NFIB: variants seen among roughly 807,000 people sequenced by gnomAD.
NFIB encodes the protein nuclear factor I B.
A neutral mutation model predicts 61.5 loss-of-function variants in NFIB; 11 were observed. The observed-to-expected ratio is 0.18, with a 90% CI of 0.11 to 0.30. NFIB has a LOEUF of 0.30. NFIB is among the 10% of genes least tolerant of loss of function. The pLI is 1.00. For missense variants in NFIB, 471 were observed against 608.9 expected, an observed-to-expected ratio of 0.77 and a Z score of 2.38; for synonymous variants, 260 against 216.5, an observed-to-expected ratio of 1.20 and a Z score of -1.76.
chr9:14,458,619 C>T, the NFIB span, among the ~76,000 whole-genome samples: 1 of 152,152 alleles, frequency 6.6e-6, no homozygotes, highest in Non-Finnish European at 1.5e-5. Context: ...TAGAAGACCC[C>T]ATCGTCTCAG....
chr9:14,265,493 A>G (rs958977813), intron 2 of NFIB, among the ~76,000 whole-genome samples: 2 of 152,184 alleles, frequency 1.3e-5, no homozygotes, highest in Non-Finnish European at 2.9e-5. Context: ...TGCCATCTAT[A>G]AGCCAAGAGA....
chr9:14,139,654 C>T lies in NFIB; in HGVS notation c.925+7035G>A, dbSNP rs1396885895. ...ATGAGCACGACTTTTCCATATTAAT[C>T]AGTACCAGCCCTTCTAACATGTATA... On this transcript the variant is annotated intron_variant, in intron 6 of 10. Transcript: ENST00000380953. 3.3e-5 allele frequency among the ~76,000 whole-genome samples: 5 copies of T among 152,164 alleles called. No individual in the cohort carries two copies. The East Asian group carries it at 9.6e-4, about 29-fold the overall frequency.
intron 2 of NFIB, among the ~76,000 whole-genome samples, chr9:14,215,336 A>G (rs905605745): frequency 6.6e-6 from 1 of 150,616 alleles, no homozygotes; most frequent in African/African-American, 2.5e-5. Flanking sequence ...TTAAATGAAA[A>G]GCAGTGAAAA....
intron 6 of NFIB, among the ~76,000 whole-genome samples, chr9:14,137,939 A>C (rs2041252049): frequency 6.6e-6 from 1 of 152,152 alleles, no homozygotes; most frequent in South Asian, 2.1e-4. Context: ...TCTGTATTGA[A>C]GTTTCATGCA....
chr9:14,290,341 A>C (rs1367298533), intron 2 of NFIB, among the ~76,000 whole-genome samples: 2 of 152,208 alleles, frequency 1.3e-5, no homozygotes, highest in Non-Finnish European at 2.9e-5. Context: ...ATTGCCCTTA[A>C]CTTAAAGCTC....
At chr9:14,171,294 G>A (rs1380379839) in intron 3 of NFIB, among the ~76,000 whole-genome samples, 2 of 152,044 alleles carry the variant, frequency 1.3e-5, no homozygotes, top group East Asian at 1.9e-4. Flanking sequence ...CTCTTTCCTC[G>A]GCTAGGACTA....
the NFIB span, among the ~76,000 whole-genome samples, chr9:14,445,876 T>A: frequency 6.6e-6 from 1 of 152,218 alleles, no homozygotes; most frequent in African/African-American, 2.4e-5. Flanking sequence ...GATGTTTGAT[T>A]GGGGAACATT....
intron 2 of NFIB, among the ~76,000 whole-genome samples, chr9:14,182,108 C>T (rs2046844613): frequency 6.6e-6 from 1 of 152,176 alleles, no homozygotes; most frequent in African/African-American, 2.4e-5. Flanking sequence ...CTATTCTTTT[C>T]TGCTATAAAT....
At chr9:14,469,752 A>G in the NFIB span, among the ~76,000 whole-genome samples, 1 of 152,128 alleles carries the variant, frequency 6.6e-6, no homozygotes, top group East Asian at 1.9e-4. Context: ...GTCCTCTCCT[A>G]TATACTTGTT....
At chr9:14,095,117 C>A (rs551416) in intron 10 of NFIB, among the ~76,000 whole-genome samples, 151,506 of 152,250 alleles carry the variant, frequency 1, 75,390 homozygotes, top group Middle Eastern at 1. Context: ...ATACTTGAAG[C>A]CTTCGATATA....
chr9:14,439,276 G>A, the NFIB span, among the ~76,000 whole-genome samples: 1 of 152,132 alleles, frequency 6.6e-6, no homozygotes, highest in African/African-American at 2.4e-5. Context: ...AGGCTGAGGT[G>A]GGAGGATCCC....
the NFIB span, among the ~76,000 whole-genome samples, chr9:14,474,569 A>C: frequency 1.3e-5 from 2 of 152,246 alleles, no homozygotes; most frequent in African/African-American, 4.8e-5. Context: ...CTTAAAATCT[A>C]AGTCCAAAGT....
rs929038313 is a variant in NFIB at position 14,347,817 on chromosome 9, C to T, written c.109-40297G>A. 3.9e-5 allele frequency among the ~76,000 whole-genome samples: 6 copies of T among 152,264 alleles called. 1 individual carries two copies. The highest frequency in any genetic ancestry group is 3.4e-3 in the Middle Eastern group (1 of 294). ...CGGCTCAGGGCGGTAGAGGGCAAGTCTTATCTGCCAAGGCGGGATTAGATT... is the reference window on the plus strand; with the variant it reads ...CGGCTCAGGGCGGTAGAGGGCAAGTTTTATCTGCCAAGGCGGGATTAGATT... On this transcript the variant is annotated intron_variant, in intron 1 of 8. Coordinates refer to the NFIB transcript ENST00000380934.
chr9:14,397,069 A>G (rs921542161), intron 1 of NFIB, among the ~76,000 whole-genome samples: 4 of 152,226 alleles, frequency 2.6e-5, no homozygotes, highest in African/African-American at 7.2e-5. Flanking sequence ...TGATTTCTTT[A>G]TAATAAATGA....
At chr9:14,514,368 C>T in the NFIB span, among the ~76,000 whole-genome samples, 97,089 of 151,338 alleles carry the variant, frequency 0.64, 31,618 homozygotes, top group Non-Finnish European at 0.71. Flanking sequence ...CCTTTCTGGG[C>T]ATGCACACCC....
the NFIB span, among the ~76,000 whole-genome samples, chr9:14,462,436 C>A: frequency 6.6e-6 from 1 of 152,048 alleles, no homozygotes; most frequent in Non-Finnish European, 1.5e-5. Context: ...GCACCCGCCA[C>A]CACGCCCGGC....
chr9:14,528,255 T>C, the NFIB span, among the ~76,000 whole-genome samples: 1 of 152,208 alleles, frequency 6.6e-6, no homozygotes, highest in Non-Finnish European at 1.5e-5. Flanking sequence ...TAAAACAGCC[T>C]AGCAAACAAT....
At chr9:14,430,940 T>G in the NFIB span, among the ~76,000 whole-genome samples, 1 of 152,108 alleles carries the variant, frequency 6.6e-6, no homozygotes, top group Admixed American at 6.5e-5. Context: ...TATATCATAG[T>G]CTCCCTGATG....
chr9:14,419,223 C>T, the NFIB span, among the ~76,000 whole-genome samples: 1 of 147,358 alleles, frequency 6.8e-6, no homozygotes, highest in African/African-American at 2.5e-5. Flanking sequence ...TTTCCCTCAA[C>T]ATGGGCCCCT....
Sources: allele counts gnomAD v4.1 joint callset (sites outside exome capture counted in the v4.1 genomes callset), GRCh38; gene constraint gnomAD v4.1.1; transcripts MANE v1.5; gene names NCBI Gene and HGNC (gene_info 2026-07-23, HGNC 2026-07-21).